Variants in UQCC1 observed in about 807,000 individuals in gnomAD.
UQCC1 encodes bFGF-repressed Zic-binding protein.
A neutral mutation model predicts 48.0 loss-of-function variants in UQCC1; 38 were observed. The ratio of observed to expected loss-of-function variants is 0.79; its 90% CI spans 0.61 to 1.04. UQCC1 has a LOEUF of 1.04. Ranked by LOEUF, UQCC1 falls within the 50% of genes least tolerant of loss-of-function variation. The pLI is 0.00. For missense variants in UQCC1, 368 were observed against 381.8 expected (o/e 0.96, Z 0.30); for synonymous variants, 111 against 129.2 (o/e 0.86, Z 0.95).
intron 7 of UQCC1, among the ~76,000 whole-genome samples, chr20:35,319,831 C>T (rs942356792): frequency 1.3e-5 from 2 of 152,114 alleles, no homozygotes; most frequent in Admixed American, 1.3e-4. Context: ...GAGGCCAATT[C>T]GCTGCTCTCT....
At chr20:35,367,184 T>C (rs1366470169) in intron 5 of UQCC1, among the ~76,000 whole-genome samples, 2 of 152,000 alleles carry the variant, frequency 1.3e-5, no homozygotes, top group East Asian at 1.9e-4. Context: ...CAGCTTGTTA[T>C]GTGGCCTTGG....
At chr20:35,321,252 CTG>C (rs58532328) in intron 7 of UQCC1, among the ~76,000 whole-genome samples, 1,490 of 147,314 alleles carry the variant, frequency 0.01, 19 homozygotes, top group African/African-American at 0.029. Context: ...ACAAACAAAA[CTG>C]TGTGTGTGTG....
rs925599519 is a variant in UQCC1 at position 35,394,960 on chromosome 20, G to A, written c.25-764C>T. On this transcript the variant is annotated intron_variant, in intron 1 of 9. Transcript: ENST00000374385. ...ATAATTTGCTAGCATGGCTCAACTC[G>A]GGGAGGCACTTCACTTACTTTTATC... is the stretch of plus-strand genomic sequence containing the variant. 5.9e-5 allele frequency among the ~76,000 whole-genome samples: 9 copies of A among 152,186 alleles called. No individual in the cohort carries two copies. The South Asian group carries it at 6.2e-4, about 11-fold the overall frequency.
chr20:35,366,629 T>C lies in UQCC1; in HGVS notation c.407-15A>G. On this transcript the variant is annotated splice_polypyrimidine_tract_variant and intron_variant, in intron 5 of 9. Coordinates refer to ENST00000374385, the MANE Select transcript of UQCC1 (RefSeq NM_018244.5). ...CATCTGACACCCTAGAAAATAACAA[T>C]AAGGTATAAGTATGTGAGGGTTTAA... The C allele has an allele frequency of 6.2e-7, 1 of 1,608,432 alleles. No individual in the cohort carries two copies. The highest frequency in any genetic ancestry group is 8.5e-7 in the Non-Finnish European group (1 of 1,175,088).
chr20:35,366,487 G>A, intron 6 of UQCC1, 70 bp downstream of exon 6: 1 of 1,389,452 alleles, frequency 7.2e-7, no homozygotes, highest in Non-Finnish European at 1.0e-6. Flanking sequence ...CCCTCCTGAA[G>A]GCTATACCTT....
chr20:35,385,258 C>G (rs2061927907), intron 2 of UQCC1, among the ~76,000 whole-genome samples: 1 of 152,140 alleles, frequency 6.6e-6, no homozygotes. Context: ...CAATAAATAG[C>G]AGAAGTTTCC....
At chr20:35,336,599 G>C (rs1460900568) in intron 7 of UQCC1, among the ~76,000 whole-genome samples, 1 of 152,024 alleles carries the variant, frequency 6.6e-6, no homozygotes, top group Non-Finnish European at 1.5e-5. Context: ...AGAACCTCCA[G>C]AAGAAGCACA....
chr20:35,317,802 C>T (rs1175791668), intron 7 of UQCC1, among the ~76,000 whole-genome samples: 2 of 152,220 alleles, frequency 1.3e-5, no homozygotes, highest in East Asian at 3.8e-4. Flanking sequence ...ATGTTCTATC[C>T]AACTAGTGTT....
intron 9 of UQCC1, chr20:35,304,673 T>C (rs1319988869): frequency 6.5e-6 from 1 of 153,968 alleles, no homozygotes; most frequent in Non-Finnish European, 1.4e-5. Flanking sequence ...GGGCCCCTGG[T>C]CAGTGGGCCC....
Position 35,349,992 on chromosome 20 carries a change from CAACA to C in UQCC1, c.465-2724_465-2721del, listed in dbSNP as rs11474405. On this transcript the variant is annotated intron_variant, in intron 6 of 9. Transcript: ENST00000374385. Reference sequence around the variant, plus strand: ...TGGGTAATGGAGTGAGACCCTGTCTCAACAAACAAACAAACAAACAAACAAACAA... The same window carrying C: ...TGGGTAATGGAGTGAGACCCTGTCTCAACAAACAAACAAACAAACAAACAA... Among the ~76,000 whole-genome samples the C allele has an allele frequency of 3.6e-3, 545 of 150,206 alleles. 1 individual carries two copies. Among genetic ancestry groups the C allele is most frequent in the African/African-American group, 9.9e-3 (404 of 40,932 alleles).
chr20:35,334,366 G>A (rs1179149077), intron 7 of UQCC1, among the ~76,000 whole-genome samples: 1 of 152,184 alleles, frequency 6.6e-6, no homozygotes, highest in Non-Finnish European at 1.5e-5. Flanking sequence ...TGGATAAAGA[G>A]AATCTGCATT....
chr20:35,342,143 AT>A (rs1228432114), intron 7 of UQCC1, among the ~76,000 whole-genome samples: 1 of 152,164 alleles, frequency 6.6e-6, no homozygotes, highest in Non-Finnish European at 1.5e-5. Context: ...CAGAAGGTGC[AT>A]TCTTATTCCA....
intron 7 of UQCC1, among the ~76,000 whole-genome samples, chr20:35,318,125 G>C (rs1283986182): frequency 6.6e-6 from 1 of 152,188 alleles, no homozygotes. Flanking sequence ...AGTAAGGCAG[G>C]AGCATCTCTC....
At chr20:35,340,716 CCTT>C (rs2061367815) in intron 7 of UQCC1, among the ~76,000 whole-genome samples, 1 of 152,170 alleles carries the variant, frequency 6.6e-6, no homozygotes, top group African/African-American at 2.4e-5. Flanking sequence ...TTAATGTGCT[CCTT>C]GTCTTTAAAA....
chr20:35,359,985 G>A (rs1417060112), intron 6 of UQCC1, among the ~76,000 whole-genome samples: 1 of 152,176 alleles, frequency 6.6e-6, no homozygotes, highest in Non-Finnish European at 1.5e-5. Context: ...AGTTGGGTGA[G>A]GCACTTCCTG....
intron 1 of UQCC1, among the ~76,000 whole-genome samples, chr20:35,405,890 A>G (rs2146545923): frequency 6.6e-6 from 1 of 152,334 alleles, no homozygotes; most frequent in Middle Eastern, 3.4e-3. Flanking sequence ...TTTTAAAGAC[A>G]AAATAAATTC....
At chr20:35,369,677 G>A (rs73903059) in intron 5 of UQCC1, among the ~76,000 whole-genome samples, 2,257 of 152,254 alleles carry the variant, frequency 0.015, 50 homozygotes, top group African/African-American at 0.05. Context: ...AACTGACCTT[G>A]TAAGATTTTT....
chr20:35,387,812 TTTAA>T (rs1357693245), intron 2 of UQCC1, among the ~76,000 whole-genome samples: 2 of 151,918 alleles, frequency 1.3e-5, no homozygotes, highest in Non-Finnish European at 2.9e-5. Context: ...TTTTTTTTTT[TTTAA>T]GTTTCATTTC....
At chr20:35,390,914 T>C (rs532301490) in intron 2 of UQCC1, among the ~76,000 whole-genome samples, 2 of 152,214 alleles carry the variant, frequency 1.3e-5, no homozygotes, top group East Asian at 3.9e-4. Flanking sequence ...GGGCTTTCTA[T>C]ATTATAGGTG....
Sources: gnomAD v4.1 joint callset for allele counts (sites outside exome capture counted in the v4.1 genomes callset) on GRCh38, gnomAD v4.1.1 for gene constraint, MANE v1.5 for transcripts, NCBI Gene and HGNC (gene_info 2026-07-23, HGNC 2026-07-21) for gene names.